Variants in TBL1XR1 observed in about 807,000 individuals in gnomAD.
The protein encoded by TBL1XR1 is F-box-like/WD repeat-containing protein TBL1XR1.
Under a neutral mutation model 66.9 loss-of-function variants are expected in TBL1XR1, and 5 were observed. That is an observed-to-expected ratio of 0.07 (90% CI 0.04 to 0.16). TBL1XR1 has a LOEUF of 0.16. TBL1XR1 is among the 10% of genes least tolerant of loss of function. The pLI is 1.00. For synonymous variants in TBL1XR1, 210 were observed against 206.0 expected (o/e 1.02, Z -0.17); for missense variants, 238 against 623.2 (o/e 0.38, Z 6.58).
At chr3:177,127,649 A>G (rs1727804007) in intron 1 of TBL1XR1, among the ~76,000 whole-genome samples, 1 of 152,226 alleles carries the variant, frequency 6.6e-6, no homozygotes, top group Admixed American at 6.5e-5. Flanking sequence ...TCAAACATGC[A>G]GTTCTATTTA....
chr3:177,067,787 A>T (rs1278433127), intron 2 of TBL1XR1, among the ~76,000 whole-genome samples: 1 of 152,192 alleles, frequency 6.6e-6, no homozygotes, highest in African/African-American at 2.4e-5. Flanking sequence ...AATTAGAGAA[A>T]ATGCCACTAC....
rs1712419558 is a variant in TBL1XR1, at chr3:177,021,845, A to C, written c.*3653T>G. ...AGTACCATCCTTATCATGCGAGAAT[A>C]ATCACAGGTTCTGTAGAAATGTACA... On this transcript the variant is annotated 3_prime_UTR_variant, in exon 16 of 16. Coordinates refer to ENST00000457928, the MANE Select transcript of TBL1XR1 (RefSeq NM_024665.7). The C allele has an allele frequency of 6.6e-6, 1 of 152,644 alleles. No homozygotes were observed. Among genetic ancestry groups the C allele is most frequent in the Non-Finnish European group, 1.5e-5 (1 of 68,014 alleles). The allele number at this position is 152,644 out of a possible 1,614,324, so 9.5% of individuals were successfully genotyped here. A position where few individuals can be genotyped will look rare whatever the true frequency, so the allele number is the denominator to read the frequency against.
intron 2 of TBL1XR1, chr3:177,080,043 T>C (rs1161721762): frequency 6.6e-6 from 1 of 152,166 alleles, no homozygotes; most frequent in Non-Finnish European, 1.5e-5. Context: ...ATCAATCAAA[T>C]GTAAGATTTC....
chr3:177,191,319 C>T (rs1736114972), intron 1 of TBL1XR1, among the ~76,000 whole-genome samples: 2 of 152,138 alleles, frequency 1.3e-5, no homozygotes, highest in South Asian at 4.1e-4. Flanking sequence ...AGAAAGGTTG[C>T]TCAGGGCAAC....
chr3:177,055,554 CGGGGGTGG>C (rs1352691665), intron 3 of TBL1XR1, among the ~76,000 whole-genome samples: 38 of 1,856 alleles, frequency 0.02, no homozygotes, highest in African/African-American at 0.024. Context: ...GGGGGCGGGG[CGGGGGTGG>C]GGGGGTGGGG....
chr3:177,095,067 C>A (rs1342750793), intron 2 of TBL1XR1, among the ~76,000 whole-genome samples: 1 of 151,574 alleles, frequency 6.6e-6, no homozygotes, highest in Non-Finnish European at 1.5e-5. Context: ...ATGTCACAGG[C>A]TACAATACAG....
chr3:177,056,179 C>T (rs140190135), intron 3 of TBL1XR1, among the ~76,000 whole-genome samples: 237 of 152,262 alleles, frequency 1.6e-3, no homozygotes, highest in Non-Finnish European at 2.5e-3. Context: ...TTGAAAGTGT[C>T]TTGACTTATG....
At chr3:177,142,039 G>A (rs1729691689) in intron 1 of TBL1XR1, among the ~76,000 whole-genome samples, 1 of 152,182 alleles carries the variant, frequency 6.6e-6, no homozygotes, top group Non-Finnish European at 1.5e-5. Context: ...GATTGCCAGT[G>A]GCTAGAGGCG....
At chr3:177,037,764 T>C (rs1236810171) in intron 12 of TBL1XR1, 1 of 164,844 alleles carries the variant, frequency 6.1e-6, no homozygotes, top group Non-Finnish European at 1.2e-5. Flanking sequence ...TTTCTCACAG[T>C]AAATCTCTCA....
chr3:177,146,752 C>T (rs79194799), intron 1 of TBL1XR1, among the ~76,000 whole-genome samples: 183 of 152,052 alleles, frequency 1.2e-3, no homozygotes, highest in African/African-American at 4.1e-3. Context: ...AAATACCGTC[C>T]GTTGTTTTCC....
At chr3:177,036,233 C>A (rs1274015109) in intron 12 of TBL1XR1, among the ~76,000 whole-genome samples, 1 of 152,324 alleles carries the variant, frequency 6.6e-6, no homozygotes, top group East Asian at 1.9e-4. Context: ...ACCACCAGGC[C>A]TGGCCATGCC....
intron 1 of TBL1XR1, among the ~76,000 whole-genome samples, chr3:177,112,107 A>ATATATATATATTTT: frequency 2.9e-4 from 11 of 37,646 alleles, no homozygotes; most frequent in African/African-American, 8.9e-4. Flanking sequence ...ATATATATAT[A>ATATATATATATTTT]TTTTTTTTTT....
chr3:177,051,541 T>C lies in TBL1XR1; in HGVS notation c.390A>G (p.Thr130=). ...GTGCTCCATTCTCCTCCCCATTTGC[T>C]GTGTTTTCTCCATTTTTTGCAGATC... is the stretch of plus-strand genomic sequence containing the variant. ...QQGSAKNGEN[T]ANGEENGAHT... is the part of the protein sequence containing the mutation. Residue 130 remains threonine (T), a synonymous_variant, in exon 5 of 16, where the codon ACA becomes ACG. Transcript: ENST00000457928. 1 of 1,613,700 alleles carries C rather than the reference T, an allele frequency of 6.2e-7. No homozygotes were observed. The highest frequency in any genetic ancestry group is 2.2e-5 in the East Asian group (1 of 44,866).
intron 1 of TBL1XR1, among the ~76,000 whole-genome samples, chr3:177,130,273 A>C (rs1728143440): frequency 6.6e-6 from 1 of 152,192 alleles, no homozygotes; most frequent in South Asian, 2.1e-4. Flanking sequence ...AAAATAACTT[A>C]TATACAATGT....
At chr3:177,160,599 G>C (rs1425710973) in intron 1 of TBL1XR1, among the ~76,000 whole-genome samples, 1 of 152,012 alleles carries the variant, frequency 6.6e-6, no homozygotes, top group Non-Finnish European at 1.5e-5. Flanking sequence ...CTTGCACTGG[G>C]TTTGATGGGA....
rs900202868 is a variant in TBL1XR1 at position 177,168,629 on chromosome 3, T to C, written c.-122+28492A>G. On this transcript the variant is annotated intron_variant, in intron 1 of 15. Transcript: ENST00000457928. Reference sequence around the variant, plus strand: ...CAAATACAATGTATTTCACAATCAGTTGTTACTGCTTCACTTGGTGTTCAT... The same window carrying C: ...CAAATACAATGTATTTCACAATCAGCTGTTACTGCTTCACTTGGTGTTCAT... Among the ~76,000 whole-genome samples, 8 of 152,282 alleles carry C rather than the reference T, an allele frequency of 5.3e-5. No individual in the cohort carries two copies. The South Asian group carries it at 1.2e-3, about 24-fold the overall frequency.
chr3:177,173,637 G>C (rs767006168), intron 1 of TBL1XR1, among the ~76,000 whole-genome samples: 1 of 152,084 alleles, frequency 6.6e-6, no homozygotes, highest in Non-Finnish European at 1.5e-5. Flanking sequence ...AAAACTAAAT[G>C]CAACATGAGA....
chr3:177,055,296 A>C (rs997975073), intron 3 of TBL1XR1, among the ~76,000 whole-genome samples: 56 of 152,038 alleles, frequency 3.7e-4, no homozygotes, highest in Non-Finnish European at 6.0e-4. Flanking sequence ...GGCTAGGAAA[A>C]TTTGGTTATT....
At chr3:177,046,080 G>C in intron 10 of TBL1XR1, 49 bp downstream of exon 10, 1 of 1,411,098 alleles carries the variant, frequency 7.1e-7, no homozygotes, top group Non-Finnish European at 9.6e-7. Flanking sequence ...AGTTTAATTA[G>C]AAAAACAGAA....
Sources: allele counts gnomAD v4.1 joint callset (sites outside exome capture counted in the v4.1 genomes callset), GRCh38; gene constraint gnomAD v4.1.1; transcripts MANE v1.5; gene names NCBI Gene and HGNC (gene_info 2026-07-23, HGNC 2026-07-21).